Variants in TRIM49C observed in about 807,000 individuals in gnomAD.
TRIM49C encodes the protein tripartite motif-containing protein 49C.
Under a neutral mutation model 21.4 loss-of-function variants are expected in TRIM49C, and 6 were observed. The observed-to-expected ratio is 0.28, with a 90% confidence interval of 0.15 to 0.55. The LOEUF (loss-of-function observed/expected upper bound fraction) is 0.55. Among genes scored for constraint, TRIM49C ranks in the 20% least tolerant of loss-of-function variants. The pLI is 0.94. For synonymous variants in TRIM49C, 57 were observed against 148.1 expected (o/e 0.38, Z 4.47); for missense variants, 161 against 442.4 (o/e 0.36, Z 5.71).
chr11:90,043,212 GC>G, downstream of TRIM49C, among the ~76,000 whole-genome samples: 1 of 145,850 alleles, frequency 6.9e-6, no homozygotes, highest in Non-Finnish European at 1.5e-5. Flanking sequence ...ATGGCTTGTG[GC>G]CAGGAGTTCC....
chr11:90,056,046 C>T, the TRIM49C span, among the ~76,000 whole-genome samples: 1 of 132,932 alleles, frequency 7.5e-6, no homozygotes, highest in Non-Finnish European at 1.6e-5. Flanking sequence ...GCAAGCTCCG[C>T]CTCCCAGGTT....
the TRIM49C span, among the ~76,000 whole-genome samples, chr11:90,065,073 T>A: frequency 2.9e-5 from 4 of 138,818 alleles, no homozygotes; most frequent in African/African-American, 1.0e-4. Flanking sequence ...ATGGGTTCTA[T>A]CATTGCATGA....
the TRIM49C span, chr11:90,049,880 C>T: frequency 7.9e-6 from 1 of 127,290 alleles, no homozygotes; most frequent in Non-Finnish European, 1.6e-5. Flanking sequence ...GGAGCTGTTC[C>T]TATTCGGCCA....
In TRIM49C at chr11:90,041,275, C is replaced by T. The variant is rs769984274; in HGVS notation, c.1084C>T (p.Arg362Trp). Reference protein sequence around the residue: ...NWAFGVCNMYRKEKNQNEKID... With the variant: ...NWAFGVCNMYWKEKNQNEKID... ...GGCTTTTGGTGTCTGTAATATGTAT[C>T]GGAAGGAGAAGAATCAGAATGAGAA... Residue 362 changes from arginine (R) to tryptophan (W), a missense_variant, in exon 8 of 8, where the codon CGG (arginine) becomes TGG (tryptophan). Arg to Trp is a moderately radical substitution (Grantham distance 101). Coordinates refer to ENST00000448984, the MANE Select transcript of TRIM49C (RefSeq NM_001195234.1). 20 of 1,583,804 alleles carry T rather than the reference C, an allele frequency of 1.3e-5. No individual in the cohort carries two copies. Among genetic ancestry groups the T allele is most frequent in the African/African-American group, 2.8e-5 (2 of 71,408 alleles).
At chr11:90,033,298 C>T (rs1950699621) in intron 2 of TRIM49C, among the ~76,000 whole-genome samples, 2 of 126,436 alleles carry the variant, frequency 1.6e-5, no homozygotes, top group South Asian at 2.9e-4. Flanking sequence ...TTTAAAATTG[C>T]CAAAACAAAG....
At chr11:90,069,405 G>A in the TRIM49C span, among the ~76,000 whole-genome samples, 13 of 130,568 alleles carry the variant, frequency 1.0e-4, 1 homozygote, top group African/African-American at 3.2e-4. Context: ...GTGAGCCACC[G>A]TGCCTGGCCC....
At chr11:90,052,061 C>T in the TRIM49C span, 10 of 586,456 alleles carry the variant, frequency 1.7e-5, 1 homozygote, top group South Asian at 2.3e-4. Context: ...ACCACCATGC[C>T]TGGCCACAAG....
chr11:90,046,751 T>C (rs1590919164), downstream of TRIM49C, among the ~76,000 whole-genome samples: 2 of 125,120 alleles, frequency 1.6e-5, 1 homozygote, highest in African/African-American at 6.5e-5. Context: ...GAAGGTTTCA[T>C]TGTGTCTCTA....
chr11:90,046,909 C>G (rs1160945959), downstream of TRIM49C, among the ~76,000 whole-genome samples: 2 of 125,166 alleles, frequency 1.6e-5, no homozygotes, highest in Middle Eastern at 3.8e-3. Context: ...GCATTTAGTG[C>G]TATAAATTTC....
the TRIM49C span, among the ~76,000 whole-genome samples, chr11:90,070,648 A>G: frequency 7.1e-6 from 1 of 140,420 alleles, no homozygotes; most frequent in Non-Finnish European, 1.5e-5. Flanking sequence ...CTTTGTCAGA[A>G]ATAGATTCTG....
downstream of TRIM49C, among the ~76,000 whole-genome samples, chr11:90,046,312 T>G (rs1374599011): frequency 8.8e-5 from 11 of 125,654 alleles, 4 homozygotes; most frequent in East Asian, 2.0e-3. Context: ...TTAGGGAGGA[T>G]TCCCTCTTTT....
the TRIM49C span, chr11:90,071,152 G>A: frequency 8.1e-6 from 4 of 493,450 alleles, 1 homozygote; most frequent in South Asian, 6.0e-5. Context: ...ACAGGATTTG[G>A]GAGACATGGT....
the TRIM49C span, among the ~76,000 whole-genome samples, chr11:90,054,983 G>A: frequency 6.7e-6 from 1 of 149,622 alleles, no homozygotes; most frequent in East Asian, 1.9e-4. Flanking sequence ...ATTGACTGCT[G>A]CATAGAGTTC....
At chr11:90,070,838 G>A in the TRIM49C span, among the ~76,000 whole-genome samples, 2 of 141,266 alleles carry the variant, frequency 1.4e-5, no homozygotes, top group African/African-American at 5.1e-5. Flanking sequence ...CTGTCAACCA[G>A]GCTGAAGTCC....
chr11:90,042,605 A>T (rs1950778216), downstream of TRIM49C, among the ~76,000 whole-genome samples: 2 of 120,698 alleles, frequency 1.7e-5, 1 homozygote, highest in South Asian at 6.2e-4. Flanking sequence ...AGGCCCTCAT[A>T]AAAAAATACC....
the TRIM49C span, among the ~76,000 whole-genome samples, chr11:90,066,964 C>T: frequency 7.3e-6 from 1 of 137,442 alleles, no homozygotes; most frequent in South Asian, 2.5e-4. Flanking sequence ...GGTAAGGTTT[C>T]ACTGAGTTGG....
At chr11:90,071,168 G>A in the TRIM49C span, 1 of 493,382 alleles carries the variant, frequency 2.0e-6, no homozygotes, top group African/African-American at 2.0e-5. Context: ...ATGGTGGCAA[G>A]GTATGTTAAT....
chr11:90,045,603 T>C (rs1329935663), downstream of TRIM49C, among the ~76,000 whole-genome samples: 4 of 68,156 alleles, frequency 5.9e-5, 1 homozygote, highest in African/African-American at 2.7e-4. Context: ...TAAGAATGCT[T>C]GTGATTTTTG....
rs1172978287 is a variant in TRIM49C at position 90,041,230 on chromosome 11, G to T, written c.1039G>T (p.Val347Leu). The change falls in exon 8 of 8, where the codon GTA (valine) becomes TTA (leucine). Residue 347 changes from valine (V) to leucine (L), a missense_variant. Around this residue, in one of 3 missense-constraint regions of TRIM49C, gnomAD observed 63 missense variants for 67.6 expected, o/e 0.93. Coordinates refer to ENST00000448984, the MANE Select transcript of TRIM49C (RefSeq NM_001195234.1). ...TSGKYYWEVH[V>L]GDSWNWAFGV... ...GGGCAAATATTACTGGGAGGTCCAT[G>T]TAGGGGACTCCTGGAATTGGGCTTT... 1 of 1,587,824 alleles carries T rather than the reference G, an allele frequency of 6.3e-7. No individual in the cohort carries two copies. Among genetic ancestry groups the T allele is most frequent in the Admixed American group, 1.7e-5 (1 of 58,534 alleles).
Sources: gnomAD v4.1 joint callset for allele counts (sites outside exome capture counted in the v4.1 genomes callset) on GRCh38, gnomAD v4.1.1 for gene constraint, gnomAD v4.1.1 regional missense constraint, MANE v1.5 for transcripts, NCBI Gene and HGNC (gene_info 2026-07-23, HGNC 2026-07-21) for gene names.